BRWD3: variants seen among roughly 807,000 people sequenced by gnomAD.
BRWD3 encodes bromodomain and WD repeat-containing protein 3.
A neutral mutation model predicts 149.7 loss-of-function variants in BRWD3; 10 were observed. The observed-to-expected ratio is 0.07, with a 90% CI of 0.04 to 0.11. The LOEUF is 0.11. Among genes scored for constraint, BRWD3 ranks in the 10% least tolerant of loss-of-function variants. BRWD3 has a pLI of 1.00. For missense variants in BRWD3, 940 were observed against 1,373.2 expected, an observed-to-expected ratio of 0.68 and a Z score of 4.99; for synonymous variants, 504 against 456.7, an observed-to-expected ratio of 1.10 and a Z score of -1.32.
intron 34 of BRWD3, 101 bp from the exon 35 acceptor site, chrX:80,687,104 A>G (rs1195312047): frequency 1.6e-3 from 51 of 31,956 alleles, no homozygotes; most frequent in Admixed American, 2.1e-3. Flanking sequence ...ATGTGTGTAT[A>G]TATATATATA....
At chrX:80,804,152 G>A (rs2074328164) in intron 4 of BRWD3, among the ~76,000 whole-genome samples, 2 of 111,741 alleles carry the variant, frequency 1.8e-5, no homozygotes, top group African/African-American at 3.3e-5. Context: ...AAATGTAAGC[G>A]CTAACTGGTG....
intron 7 of BRWD3, 45 bp downstream of exon 7, chrX:80,745,524 G>A (rs1181704736): frequency 1.8e-6 from 2 of 1,141,079 alleles, no homozygotes; most frequent in South Asian, 1.9e-5. Context: ...GGCTTCAATT[G>A]TTGTAATTCT....
chrX:80,760,479 C>G (rs763607873), intron 6 of BRWD3, among the ~76,000 whole-genome samples: 29 of 111,595 alleles, frequency 2.6e-4, no homozygotes, highest in African/African-American at 8.1e-4. Context: ...TAATGAATTA[C>G]CTTTAGAAAT....
intron 6 of BRWD3, among the ~76,000 whole-genome samples, chrX:80,775,864 C>T (rs1237289800): frequency 1.8e-5 from 2 of 111,882 alleles, no homozygotes; most frequent in African/African-American, 3.2e-5. Flanking sequence ...CATTTTAAAG[C>T]TTATAAAGTA....
At chrX:80,809,374 A>G in intron 1 of BRWD3, 67 bp downstream of exon 1, 1 of 1,141,198 alleles carries the variant, frequency 8.8e-7, no homozygotes. Context: ...TTCAAAAGAA[A>G]CTGACAGCCT....
intron 8 of BRWD3, among the ~76,000 whole-genome samples, chrX:80,740,727 T>A (rs2073475057): frequency 9.0e-6 from 1 of 111,124 alleles, no homozygotes; most frequent in Non-Finnish European, 1.9e-5. Context: ...CCAGCATGGG[T>A]GACAACAAAA....
chrX:80,801,212 A>AACTTTTT (rs1487012369), intron 4 of BRWD3, among the ~76,000 whole-genome samples: 1 of 79,871 alleles, frequency 1.3e-5, no homozygotes, highest in Non-Finnish European at 2.4e-5. Context: ...ATGAGAAAAC[A>AACTTTTT]TCTTTTTTTT....
chrX:80,739,828 G>C (rs1013805407), intron 8 of BRWD3, among the ~76,000 whole-genome samples: 1 of 111,756 alleles, frequency 8.9e-6, no homozygotes, highest in African/African-American at 3.2e-5. Flanking sequence ...TATAATAAAA[G>C]TTATATGAAT....
At chrX:80,725,183 A>G (rs1195304574) in intron 14 of BRWD3, 116 bp from the exon 15 acceptor site, 1 of 792,742 alleles carries the variant, frequency 1.3e-6, no homozygotes, top group Non-Finnish European at 1.8e-6. Context: ...AGAATAATTT[A>G]ACAGCATTTA....
intron 28 of BRWD3, 129 bp from the exon 29 acceptor site, chrX:80,692,279 A>C (rs2072623602): frequency 3.6e-6 from 2 of 559,219 alleles, no homozygotes; most frequent in Non-Finnish European, 6.0e-6. Context: ...TTGAAAGTAC[A>C]ACTCCGGTTA....
At chrX:80,709,063 A>G (rs187556584) in intron 21 of BRWD3, among the ~76,000 whole-genome samples, 1 of 111,793 alleles carries the variant, frequency 8.9e-6, no homozygotes, top group African/African-American at 3.2e-5. Flanking sequence ...AAACATGTGT[A>G]CATTATGTTG....
intron 23 of BRWD3, 31 bp downstream of exon 23, chrX:80,704,631 AAAAAACAAAAAATAAC>A (rs1286801300): frequency 8.7e-7 from 1 of 1,151,559 alleles, no homozygotes; most frequent in Non-Finnish European, 1.2e-6. Context: ...TATCAAAGGC[AAAAAACAAAAAATAAC>A]AAAAACAAAA....
rs2073662640 is a variant in BRWD3, at chrX:80,751,211, A to G, written c.431-5482T>C. On this transcript the variant is annotated intron_variant, in intron 6 of 40. Transcript: ENST00000373275. ...TACATGGTGACCACAGTTAATAATA[A>G]TAAAATGTGTATTTCAAAATTGCTA... Among the ~76,000 whole-genome samples the G allele has an allele frequency of 3.6e-5, 4 of 111,694 alleles. No individual in the cohort carries two copies. In the South Asian group the frequency reaches 1.5e-3, roughly 42 times the overall value.
intron 7 of BRWD3, among the ~76,000 whole-genome samples, chrX:80,744,559 ATTTC>A (rs1311678556): frequency 8.9e-6 from 1 of 112,214 alleles, no homozygotes; most frequent in African/African-American, 3.2e-5. Flanking sequence ...TTTTACCATC[ATTTC>A]TTTCTTTAGG....
chrX:80,739,218 T>G (rs2073449334), intron 8 of BRWD3, among the ~76,000 whole-genome samples: 2 of 111,705 alleles, frequency 1.8e-5, no homozygotes, highest in Non-Finnish European at 3.8e-5. Context: ...TGCTGACAAG[T>G]TAGACACAAA....
intron 6 of BRWD3, among the ~76,000 whole-genome samples, chrX:80,783,693 T>G (rs2074079886): frequency 9.0e-6 from 1 of 110,723 alleles, no homozygotes; most frequent in Admixed American, 9.7e-5. Context: ...ACCAGACAAC[T>G]AGACAAAGAA....
intron 4 of BRWD3, among the ~76,000 whole-genome samples, chrX:80,795,870 G>A (rs2074234181): frequency 9.0e-6 from 1 of 110,888 alleles, no homozygotes; most frequent in Admixed American, 9.6e-5. Flanking sequence ...GGTCAAGGCT[G>A]CAGTGAACTG....
chrX:80,701,498 G>T (rs760977079), intron 24 of BRWD3, among the ~76,000 whole-genome samples: 1 of 87,772 alleles, frequency 1.1e-5, no homozygotes, highest in East Asian at 3.8e-4. Flanking sequence ...GCAGTGAGCC[G>T]AGATAGCCCC....
chrX:80,769,139 A>T (rs1371627859), intron 6 of BRWD3, among the ~76,000 whole-genome samples: 1 of 111,085 alleles, frequency 9.0e-6, no homozygotes, highest in Non-Finnish European at 1.9e-5. Context: ...ATGCAATAAG[A>T]ATGGCAGACT....
Sources: gnomAD v4.1 joint callset for allele counts (sites outside exome capture counted in the v4.1 genomes callset) on GRCh38, gnomAD v4.1.1 for gene constraint, MANE v1.5 for transcripts, NCBI Gene and HGNC (gene_info 2026-07-23, HGNC 2026-07-21) for gene names.